Variants in MED26 observed in about 807,000 individuals in gnomAD.
MED26 encodes mediator complex subunit 26.
A neutral mutation model predicts 43.7 loss-of-function variants in MED26; 7 were observed. That is an observed-to-expected ratio of 0.16 (90% CI 0.09 to 0.30). The LOEUF (loss-of-function observed/expected upper bound fraction) is 0.30, where lower values mean the gene tolerates loss of function less well. Among genes scored for constraint, MED26 ranks in the 10% least tolerant of loss-of-function variants. The probability of loss-of-function intolerance (pLI) is 1.00; values close to 1 mark genes in which losing one functional copy is unlikely to be tolerated. For synonymous variants in MED26, 375 were observed against 371.1 expected (o/e 1.01, Z -0.12); for missense variants, 784 against 840.6 (o/e 0.93, Z 0.83).
At position 16,628,083 on chromosome 19, in the gene MED26, G is replaced by A. The variant is rs2086292017; in HGVS notation, c.-140C>T. The stretch of plus-strand genomic sequence containing the variant: ...CGCCGGGGGGTTGGGGGCGCGCGGG[G>A]TGGCGGAGAGGGGAGCCGGGGCCGG... On this transcript the variant is annotated 5_prime_UTR_variant, in exon 1 of 3. Coordinates refer to ENST00000263390, the MANE Select transcript of MED26 (RefSeq NM_004831.5). 7.2e-6 allele frequency: 3 copies of A among 419,260 alleles called. No homozygotes were observed. Among genetic ancestry groups the A allele is most frequent in the Non-Finnish European group, 1.2e-5 (3 of 247,254 alleles). The allele number at this position is 419,260 out of a possible 1,614,324, so 26.0% of individuals were successfully genotyped here.
chr19:16,592,045 G>A (rs2086100209), intron 1 of MED26, among the ~76,000 whole-genome samples: 1 of 152,180 alleles, frequency 6.6e-6, no homozygotes, highest in African/African-American at 2.4e-5. Flanking sequence ...AGGAGGCCCA[G>A]CCCCACAGGG....
intron 1 of MED26, among the ~76,000 whole-genome samples, chr19:16,617,615 C>T (rs2086232115): frequency 6.6e-6 from 1 of 152,218 alleles, no homozygotes; most frequent in East Asian, 1.9e-4. Context: ...TCTCCCTTCT[C>T]TCCACCCCAA....
At chr19:16,620,138 G>C (rs1184624516) in intron 1 of MED26, among the ~76,000 whole-genome samples, 1 of 152,168 alleles carries the variant, frequency 6.6e-6, no homozygotes, top group East Asian at 1.9e-4. Context: ...GAGCATTTTA[G>C]TGACCACTGT....
chr19:16,577,772 G>T lies in MED26; in HGVS notation c.148-90C>A. 1 of 1,041,324 alleles carries T rather than the reference G, an allele frequency of 9.6e-7. No individual in the cohort carries two copies. Among genetic ancestry groups the T allele is most frequent in the Non-Finnish European group, 1.4e-6 (1 of 724,868 alleles). The allele number at this position is 1,041,324 out of a possible 1,614,324, so 64.5% of individuals were successfully genotyped here. A position where few individuals can be genotyped will look rare whatever the true frequency, so the allele number is the denominator to read the frequency against. On this transcript the variant is annotated intron_variant, in intron 2 of 2. Transcript: ENST00000263390. The surrounding 1 kb of genome is among the most constrained non-coding windows in gnomAD (Gnocchi z 8.1). Reference sequence around the variant, plus strand: ...AATGGTGGGAAGTGGCCCTGACAGTGAAATGACCCGGTTCCCACTGAGCCC... The same window carrying T: ...AATGGTGGGAAGTGGCCCTGACAGTTAAATGACCCGGTTCCCACTGAGCCC...
chr19:16,576,406 G>T lies in MED26; in HGVS notation c.1424C>A (p.Thr475Lys), dbSNP rs2086000373. The T allele has an allele frequency of 6.2e-7, 1 of 1,614,102 alleles. No individual in the cohort carries two copies. The highest frequency in any genetic ancestry group is 1.3e-5 in the African/African-American group (1 of 75,014). ...GTTGCGTGACAGCTCCTTCCAGTTC[G>T]TCTGTTCGAAGGGGCTCTGGAGGCT... ...KASLQSPFEQTNWKELSRNEI... is the reference protein window; with the variant it reads ...KASLQSPFEQKNWKELSRNEI... The change falls in exon 3 of 3, where the codon ACG becomes AAG. Residue 475 changes from threonine to lysine, a missense_variant. By Grantham distance (78) the Thr-to-Lys change is moderately conservative. Around this residue, in one of 3 missense-constraint regions of MED26, gnomAD observed 719 missense variants for 730.9 expected, o/e 0.98. Coordinates refer to ENST00000263390, the MANE Select transcript of MED26 (RefSeq NM_004831.5). This position sits in a 1 kb window ranked among gnomAD's most constrained non-coding sequence, Gnocchi z 6.8.
chr19:16,605,821 G>A (rs1485892079), intron 1 of MED26, among the ~76,000 whole-genome samples: 2 of 152,200 alleles, frequency 1.3e-5, no homozygotes, highest in Non-Finnish European at 2.9e-5. Flanking sequence ...TCCTGTAAAT[G>A]GATGACCCTT....
At chr19:16,626,256 C>A (rs1016247449) in intron 1 of MED26, among the ~76,000 whole-genome samples, 2 of 152,174 alleles carry the variant, frequency 1.3e-5, no homozygotes, top group Middle Eastern at 6.8e-3. Context: ...AAAGCGAGTG[C>A]GTGAAATTAA....
At chr19:16,598,247 GA>G (rs1218732408) in intron 1 of MED26, among the ~76,000 whole-genome samples, 2 of 142,116 alleles carry the variant, frequency 1.4e-5, no homozygotes, top group Non-Finnish European at 3.0e-5. Context: ...TGACGCAGGA[GA>G]ATGGCTTGAA....
chr19:16,601,149 C>A (rs1160394172), intron 1 of MED26, among the ~76,000 whole-genome samples: 1 of 148,190 alleles, frequency 6.7e-6, no homozygotes. Context: ...AGCCTGGTTA[C>A]AAACACTGAC....
chr19:16,620,485 C>T (rs2086246742), intron 1 of MED26, among the ~76,000 whole-genome samples: 2 of 152,214 alleles, frequency 1.3e-5, no homozygotes, highest in Admixed American at 1.3e-4. Context: ...CAAAACTGGC[C>T]CTGTTTACAG....
At chr19:16,624,208 T>C (rs1356980172) in intron 1 of MED26, 2 of 152,018 alleles carry the variant, frequency 1.3e-5, no homozygotes, top group African/African-American at 2.4e-5. Flanking sequence ...ATGGGGTGCA[T>C]ACACCAGTTC....
At chr19:16,594,419 G>T (rs1035369552) in intron 1 of MED26, among the ~76,000 whole-genome samples, 1 of 152,254 alleles carries the variant, frequency 6.6e-6, no homozygotes, top group Non-Finnish European at 1.5e-5. Context: ...TGAACCACGC[G>T]CATCTCACAA....
At chr19:16,623,554 C>T (rs1018261596) in intron 1 of MED26, among the ~76,000 whole-genome samples, 5 of 152,322 alleles carry the variant, frequency 3.3e-5, no homozygotes, top group Non-Finnish European at 5.9e-5. Context: ...CGTGGTCTGG[C>T]CCAGGTTTCT....
intron 1 of MED26, among the ~76,000 whole-genome samples, chr19:16,592,177 C>G (rs577692582): frequency 6.6e-6 from 1 of 152,336 alleles, no homozygotes; most frequent in East Asian, 1.9e-4. Flanking sequence ...CCTGGCACCA[C>G]CTGCACCCTG....
In MED26 at chr19:16,576,318, G is replaced by A. The variant is rs1187600690; in HGVS notation, c.1512C>T (p.Thr504=). Residue 504 remains threonine, a synonymous_variant, in exon 3 of 3, where the codon ACC becomes ACT. Coordinates refer to ENST00000263390, the MANE Select transcript of MED26 (RefSeq NM_004831.5). This position sits in a 1 kb window ranked among gnomAD's most constrained non-coding sequence, Gnocchi z 6.8. ...SSLLSSSGAQ[T]PGAHHFMSEY... is the part of the protein sequence containing the mutation. Reference sequence around the variant, plus strand: ...CAGACATGAAGTGGTGAGCCCCTGGGGTCTGCGCGCCCGATGATGAGAGCA... The same window carrying A: ...CAGACATGAAGTGGTGAGCCCCTGGAGTCTGCGCGCCCGATGATGAGAGCA... The A allele has an allele frequency of 5.6e-6, 9 of 1,613,534 alleles. No homozygotes were observed. The highest frequency in any genetic ancestry group is 5.1e-6 in the Non-Finnish European group (6 of 1,180,016).
intron 1 of MED26, among the ~76,000 whole-genome samples, chr19:16,613,750 T>G (rs570858636): frequency 3.3e-5 from 5 of 151,984 alleles, no homozygotes; most frequent in African/African-American, 9.7e-5. Flanking sequence ...ACAGTAAGAG[T>G]TGATGCTGCT....
Position 16,627,918 on chromosome 19 carries a change from T to C in MED26, c.26A>G (p.Gln9Arg). 6.7e-7 allele frequency: 1 copy of C among 1,495,218 alleles called. No individual in the cohort carries two copies. Among genetic ancestry groups the C allele is most frequent in the East Asian group, 2.9e-5 (1 of 35,052 alleles). The allele number at this position is 1,495,218 out of a possible 1,614,324, so 92.6% of individuals were successfully genotyped here. Residue 9 changes from glutamine to arginine, a missense_variant, in exon 1 of 3, where the codon CAG (glutamine) becomes CGG (arginine). Gln to Arg is a conservative substitution (Grantham distance 43). Around this residue, in one of 3 missense-constraint regions of MED26, gnomAD observed 37 missense variants for 30.3 expected, o/e 1.22. Transcript: ENST00000263390. The part of the protein sequence containing the change: MTAAPASP[Q>R]QIRDRLLQAI... ...CTGCAGCAGCCGGTCCCTGATCTGCTGCGGAGACGCCGGAGCCGCTGTCAT... is the reference window on the plus strand; with the variant it reads ...CTGCAGCAGCCGGTCCCTGATCTGCCGCGGAGACGCCGGAGCCGCTGTCAT...
At chr19:16,589,703 T>C (rs2086087371) in intron 1 of MED26, among the ~76,000 whole-genome samples, 2 of 152,214 alleles carry the variant, frequency 1.3e-5, no homozygotes, top group African/African-American at 4.8e-5. Context: ...TGTTCATAAA[T>C]GTTCATTCAG....
intron 1 of MED26, among the ~76,000 whole-genome samples, chr19:16,609,189 C>A (rs934436515): frequency 3.7e-4 from 56 of 151,850 alleles, no homozygotes; most frequent in African/African-American, 1.3e-3. Flanking sequence ...GTGGTGCACA[C>A]CTATAGTCGC....
Sources: allele counts gnomAD v4.1 joint callset (sites outside exome capture counted in the v4.1 genomes callset), GRCh38; gene constraint gnomAD v4.1.1; regional missense constraint gnomAD v4.1.1; non-coding constraint Gnocchi (gnomAD v3.1); transcripts MANE v1.5; gene names NCBI Gene and HGNC (gene_info 2026-07-23, HGNC 2026-07-21).